NDUFA12: variants seen among roughly 807,000 people sequenced by gnomAD.
The protein encoded by NDUFA12 is NADH dehydrogenase [ubiquinone] 1 alpha subcomplex subunit 12.
In NDUFA12, 17 loss-of-function variants were observed where a neutral mutation model predicts 20.3. The ratio of observed to expected loss-of-function variants is 0.84; its 90% CI spans 0.57 to 1.26. The LOEUF is 1.26. Ranked by LOEUF, NDUFA12 falls within the 50% of genes most tolerant of loss-of-function variation. NDUFA12 has a pLI of 0.00. For missense variants in NDUFA12, 191 were observed against 183.7 expected (o/e 1.04, Z -0.23); for synonymous variants, 72 against 63.6 (o/e 1.13, Z -0.63).
intron 3 of NDUFA12, among the ~76,000 whole-genome samples, chr12:94,974,885 T>G (rs1592697546): frequency 6.7e-6 from 1 of 149,576 alleles, no homozygotes; most frequent in Non-Finnish European, 1.5e-5. Context: ...TAGGGGGAGG[T>G]GGGGATGGTT....
At chr12:94,999,902 T>C (rs555681312) in intron 2 of NDUFA12, among the ~76,000 whole-genome samples, 1 of 152,272 alleles carries the variant, frequency 6.6e-6, no homozygotes, top group East Asian at 1.9e-4. Context: ...ACAACAACTA[T>C]GGAAAACAGT....
chr12:94,999,687 AG>A (rs1463416186), intron 2 of NDUFA12, among the ~76,000 whole-genome samples: 3 of 152,228 alleles, frequency 2.0e-5, no homozygotes, highest in Non-Finnish European at 2.9e-5. Context: ...AATTCTCAAA[AG>A]AAGATATACA....
intron 3 of NDUFA12, 46 bp from the exon 4 acceptor site, chr12:94,971,666 G>A (rs769181456): frequency 1.2e-6 from 2 of 1,603,388 alleles, no homozygotes; most frequent in Admixed American, 1.7e-5. Context: ...AGGCAGTACA[G>A]CATAGTGGAA....
rs572005871 is a variant in NDUFA12 at position 94,991,022 on chromosome 12, G to A, written c.257+3148C>T. Among the ~76,000 whole-genome samples the A allele has an allele frequency of 5.3e-5, 8 of 152,280 alleles. 1 individual carries two copies. Among genetic ancestry groups the A allele is most frequent in the Admixed American group, 4.6e-4 (7 of 15,290 alleles). ...AGAAAGGCCAGGTGTGGTGGCTCAT[G>A]CCTCTAATCCCAGTATTTTGGGAGG... On this transcript the variant is annotated intron_variant, in intron 3 of 3. Transcript: ENST00000327772.
At chr12:95,001,987 G>A (rs1875054583) in intron 2 of NDUFA12, among the ~76,000 whole-genome samples, 1 of 151,976 alleles carries the variant, frequency 6.6e-6, no homozygotes, top group Admixed American at 6.6e-5. Context: ...ACAGGCGTGA[G>A]CCACCGCGCC....
At chr12:94,977,537 G>A (rs1490515250) in intron 3 of NDUFA12, among the ~76,000 whole-genome samples, 1 of 151,880 alleles carries the variant, frequency 6.6e-6, no homozygotes, top group Non-Finnish European at 1.5e-5. Context: ...ATGATTCAGT[G>A]GGTCAAAGTA....
At chr12:94,985,851 G>A (rs1176230297) in intron 3 of NDUFA12, among the ~76,000 whole-genome samples, 11 of 152,152 alleles carry the variant, frequency 7.2e-5, no homozygotes, top group South Asian at 4.2e-4. Flanking sequence ...CTGGGAGGCC[G>A]AGGTGGACAG....
chr12:94,976,837 A>G (rs1874078483), intron 3 of NDUFA12, among the ~76,000 whole-genome samples: 1 of 152,210 alleles, frequency 6.6e-6, no homozygotes, highest in African/African-American at 2.4e-5. Context: ...TACATAGTTT[A>G]TTTCCACATT....
chr12:94,990,736 G>A (rs1592703577), intron 3 of NDUFA12, among the ~76,000 whole-genome samples: 4 of 151,996 alleles, frequency 2.6e-5, no homozygotes, highest in African/African-American at 9.7e-5. Context: ...AAGCCCCAGT[G>A]AGCTTTTAAA....
chr12:94,981,733 G>C (rs534043940), intron 3 of NDUFA12, among the ~76,000 whole-genome samples: 58 of 152,244 alleles, frequency 3.8e-4, no homozygotes, highest in Admixed American at 1.3e-4. Flanking sequence ...TGACATATAG[G>C]GGGGTGCTCA....
intron 3 of NDUFA12, among the ~76,000 whole-genome samples, chr12:94,988,425 G>A (rs1242733084): frequency 3.3e-5 from 5 of 152,198 alleles, no homozygotes; most frequent in Non-Finnish European, 1.5e-5. Context: ...CTGAAAGTTC[G>A]GGATTATTCC....
intron 3 of NDUFA12, among the ~76,000 whole-genome samples, chr12:94,990,922 A>G (rs141274726): frequency 1.2e-4 from 19 of 152,260 alleles, no homozygotes; most frequent in African/African-American, 4.6e-4. Context: ...ATTCTGTCCA[A>G]TCGAGTAGCC....
At chr12:94,995,292 A>G (rs1320675201) in intron 2 of NDUFA12, among the ~76,000 whole-genome samples, 1 of 152,212 alleles carries the variant, frequency 6.6e-6, no homozygotes, top group Admixed American at 6.5e-5. Context: ...ATTTAGAGAA[A>G]TAAATCTTAA....
intron 3 of NDUFA12, among the ~76,000 whole-genome samples, chr12:94,985,363 G>A (rs1025540137): frequency 1.3e-4 from 20 of 151,540 alleles, no homozygotes; most frequent in African/African-American, 4.1e-4. Context: ...AGTGGCTCAC[G>A]CCTGTAATCC....
intron 3 of NDUFA12, among the ~76,000 whole-genome samples, chr12:94,988,658 G>A (rs1225531698): frequency 6.6e-6 from 1 of 152,172 alleles, no homozygotes; most frequent in Non-Finnish European, 1.5e-5. Context: ...AAGAGAGCTG[G>A]CCGAAAGACA....
intron 3 of NDUFA12, among the ~76,000 whole-genome samples, chr12:94,976,818 C>T (rs1245242109): frequency 6.6e-6 from 1 of 152,080 alleles, no homozygotes; most frequent in African/African-American, 2.4e-5. Context: ...CCTCATTCAC[C>T]AAGAGTAATA....
At chr12:95,003,126 G>A (rs1016553156) in intron 1 of NDUFA12, among the ~76,000 whole-genome samples, 4 of 152,180 alleles carry the variant, frequency 2.6e-5, no homozygotes, top group African/African-American at 9.7e-5. Context: ...TTCTTACAAT[G>A]ATACGAAGGT....
At chr12:94,971,673 G>A in intron 3 of NDUFA12, 53 bp from the exon 4 acceptor site, 1 of 1,595,754 alleles carries the variant, frequency 6.3e-7, no homozygotes, top group South Asian at 1.1e-5. Context: ...ACAGCATAGT[G>A]GAAGGACGGT....
At chr12:94,985,098 G>T (rs1221930286) in intron 3 of NDUFA12, among the ~76,000 whole-genome samples, 3 of 151,804 alleles carry the variant, frequency 2.0e-5, no homozygotes, top group Admixed American at 6.6e-5. Context: ...CAAGGTGGGA[G>T]GATTATTTGA....
Sources: gnomAD v4.1 joint callset for allele counts (sites outside exome capture counted in the v4.1 genomes callset) on GRCh38, gnomAD v4.1.1 for gene constraint, MANE v1.5 for transcripts, NCBI Gene and HGNC (gene_info 2026-07-23, HGNC 2026-07-21) for gene names.